Variants in BAIAP2L1 observed in about 807,000 individuals in gnomAD.
BAIAP2L1 encodes BAR/IMD domain containing adaptor protein 2 like 1, also known as BAR/IMD domain-containing adapter protein 2-like 1.
In BAIAP2L1, 35 loss-of-function variants were observed where a neutral mutation model predicts 66.3. The ratio of observed to expected loss-of-function variants is 0.53; its 90% CI spans 0.40 to 0.70. BAIAP2L1 has a LOEUF of 0.70. Ranked by LOEUF, BAIAP2L1 falls within the 30% of genes least tolerant of loss-of-function variation. The probability of loss-of-function intolerance (pLI) is 0.00; values close to 1 mark genes in which losing one functional copy is unlikely to be tolerated. For missense variants in BAIAP2L1, 622 were observed against 656.9 expected (o/e 0.95, Z 0.58); for synonymous variants, 269 against 248.7 (o/e 1.08, Z -0.77).
chr7:98,327,730 T>C (rs1186093639), intron 3 of BAIAP2L1, among the ~76,000 whole-genome samples: 1 of 152,182 alleles, frequency 6.6e-6, no homozygotes, highest in Non-Finnish European at 1.5e-5. Flanking sequence ...TTGTTTAGCA[T>C]TTCTGATGTG....
intron 12 of BAIAP2L1, among the ~76,000 whole-genome samples, chr7:98,303,197 G>A (rs1244207866): frequency 6.6e-6 from 1 of 152,162 alleles, no homozygotes; most frequent in Non-Finnish European, 1.5e-5. Context: ...AGGCTCACGC[G>A]TAGGTCTGGG....
chr7:98,298,010 TGCCTGAGGTCAGGAGTTCAAGACCA>T (rs1800261219), intron 12 of BAIAP2L1, among the ~76,000 whole-genome samples: 1 of 148,870 alleles, frequency 6.7e-6, no homozygotes, highest in African/African-American at 2.5e-5. Context: ...GCAGGAGGAC[TGCCTGAGGTCAGGAGTTCAAGACCA>T]GCCTGGGCAA....
chr7:98,385,338 C>T (rs944456272), intron 1 of BAIAP2L1, among the ~76,000 whole-genome samples: 2 of 152,028 alleles, frequency 1.3e-5, no homozygotes, highest in African/African-American at 4.8e-5. Context: ...CCTTTGCGAT[C>T]TGAGGAATTG....
chr7:98,326,325 G>A (rs1305878706), intron 3 of BAIAP2L1, among the ~76,000 whole-genome samples: 1 of 152,172 alleles, frequency 6.6e-6, no homozygotes, highest in African/African-American at 2.4e-5. Flanking sequence ...GCTTGTAGGG[G>A]TGACCCCAAA....
At chr7:98,377,913 AG>A (rs1290498212) in intron 1 of BAIAP2L1, among the ~76,000 whole-genome samples, 1 of 148,320 alleles carries the variant, frequency 6.7e-6, no homozygotes, top group East Asian at 2.0e-4. Flanking sequence ...GGATCACCTG[AG>A]GTCAGGAGTT....
At chr7:98,393,033 A>G (rs1244422604) in intron 1 of BAIAP2L1, among the ~76,000 whole-genome samples, 2 of 127,404 alleles carry the variant, frequency 1.6e-5, no homozygotes, top group Admixed American at 8.3e-5. Flanking sequence ...ACACACATAT[A>G]TATACATATA....
rs1470204000 is a variant in BAIAP2L1 at position 98,293,091 on chromosome 7, A to G, written c.*430T>C. On this transcript the variant is annotated 3_prime_UTR_variant, in exon 14 of 14. Transcript: ENST00000005260. Reference sequence around the variant, plus strand: ...GCATGCTAAGATGCAAACTTACGTGATATCTTCTTTAGACATAATGCTATT... The same window carrying G: ...GCATGCTAAGATGCAAACTTACGTGGTATCTTCTTTAGACATAATGCTATT... The G allele has an allele frequency of 7.3e-6, 4 of 551,606 alleles. No homozygotes were observed. The highest frequency in any genetic ancestry group is 4.0e-5 in the African/African-American group (2 of 49,948). The allele number at this position is 551,606 out of a possible 1,614,324, so 34.2% of individuals were successfully genotyped here.
intron 3 of BAIAP2L1, among the ~76,000 whole-genome samples, chr7:98,329,065 T>C (rs1308400388): frequency 6.6e-6 from 1 of 152,170 alleles, no homozygotes; most frequent in Non-Finnish European, 1.5e-5. Context: ...TCAGGATTGA[T>C]CCATCAGAGA....
Position 98,400,783 on chromosome 7 carries a change from C to T in BAIAP2L1, c.51+19G>A, listed in dbSNP as rs981035262. ...GGTGGAAAGCCCTGACCTCCCTGAGCCCCGGGCCCTGGGCTTACCCGGTAG... is the reference window on the plus strand; with the variant it reads ...GGTGGAAAGCCCTGACCTCCCTGAGTCCCGGGCCCTGGGCTTACCCGGTAG... On this transcript the variant is annotated intron_variant, in intron 1 of 13. Transcript: ENST00000005260. 6.5e-6 allele frequency: 10 copies of T among 1,548,982 alleles called. No individual in the cohort carries two copies. Among genetic ancestry groups the T allele is most frequent in the Non-Finnish European group, 8.7e-6 (10 of 1,146,114 alleles).
At chr7:98,354,734 G>C (rs1296618080) in intron 3 of BAIAP2L1, among the ~76,000 whole-genome samples, 1 of 152,176 alleles carries the variant, frequency 6.6e-6, no homozygotes, top group Non-Finnish European at 1.5e-5. Context: ...AGGAGGCCCG[G>C]CTCGCCCATC....
At chr7:98,321,338 A>T (rs555756048) in intron 3 of BAIAP2L1, among the ~76,000 whole-genome samples, 2 of 152,316 alleles carry the variant, frequency 1.3e-5, no homozygotes, top group South Asian at 4.1e-4. Context: ...GGCACGAGAG[A>T]TAAAGGCTAT....
chr7:98,296,676 CAT>C (rs1285529073), intron 12 of BAIAP2L1, among the ~76,000 whole-genome samples: 1 of 152,170 alleles, frequency 6.6e-6, no homozygotes, highest in East Asian at 1.9e-4. Context: ...ACAACAAAAA[CAT>C]ATTGGACGTG....
intron 3 of BAIAP2L1, among the ~76,000 whole-genome samples, chr7:98,329,775 C>T (rs550035091): frequency 2.6e-4 from 39 of 152,098 alleles, no homozygotes; most frequent in African/African-American, 7.7e-4. Context: ...CCTATCACCC[C>T]ACACCCATCC....
At chr7:98,387,797 G>A (rs1303466968) in intron 1 of BAIAP2L1, among the ~76,000 whole-genome samples, 1 of 152,104 alleles carries the variant, frequency 6.6e-6, no homozygotes, top group East Asian at 1.9e-4. Flanking sequence ...GAGCCTAGGA[G>A]TTGGAGGCTG....
At chr7:98,380,952 C>A (rs946713305) in intron 1 of BAIAP2L1, among the ~76,000 whole-genome samples, 1 of 151,982 alleles carries the variant, frequency 6.6e-6, no homozygotes, top group Non-Finnish European at 1.5e-5. Context: ...CTAGCCTGCC[C>A]ACAGCACAGC....
At chr7:98,386,187 C>T in intron 1 of BAIAP2L1, 1 of 1,558,342 alleles carries the variant, frequency 6.4e-7, no homozygotes, top group Non-Finnish European at 8.8e-7. Context: ...ACAGACGAAG[C>T]AAGTAACCAT....
chr7:98,335,716 G>A (rs531879137), intron 3 of BAIAP2L1, among the ~76,000 whole-genome samples: 2 of 152,316 alleles, frequency 1.3e-5, no homozygotes, highest in South Asian at 4.2e-4. Flanking sequence ...TGGCACAGGG[G>A]TGGTAACTGC....
intron 13 of BAIAP2L1, among the ~76,000 whole-genome samples, chr7:98,293,825 G>T (rs919210099): frequency 6.6e-6 from 1 of 152,228 alleles, no homozygotes. Flanking sequence ...TCTGGACGTG[G>T]GCACCCACAC....
intron 12 of BAIAP2L1, among the ~76,000 whole-genome samples, chr7:98,299,988 C>G (rs1281344565): frequency 6.6e-6 from 1 of 152,168 alleles, no homozygotes. Context: ...TTGCTGTGAA[C>G]CAAGATCATG....
Sources: gnomAD v4.1 joint callset for allele counts (sites outside exome capture counted in the v4.1 genomes callset) on GRCh38, gnomAD v4.1.1 for gene constraint, MANE v1.5 for transcripts, NCBI Gene and HGNC (gene_info 2026-07-23, HGNC 2026-07-21) for gene names.